TAFA4: variants seen among roughly 807,000 people sequenced by gnomAD.
TAFA4 encodes the protein chemokine-like protein TAFA-4.
TAFA4 carries 20 observed loss-of-function variants against 21.1 expected under a neutral mutation model. That is an observed-to-expected ratio of 0.95 (90% CI 0.67 to 1.38). The LOEUF (loss-of-function observed/expected upper bound fraction) is 1.38, where lower values mean the gene tolerates loss of function less well. TAFA4 is among the 40% of genes most tolerant of loss of function. The pLI is 0.00. For missense variants in TAFA4, 211 were observed against 180.9 expected (o/e 1.17, Z -0.95); for synonymous variants, 71 against 67.4 (o/e 1.05, Z -0.26).
intron 3 of TAFA4, among the ~76,000 whole-genome samples, chr3:68,821,762 C>A (rs1704117835): frequency 6.6e-6 from 1 of 152,102 alleles, no homozygotes; most frequent in Admixed American, 6.6e-5. Flanking sequence ...AGGGTGCATT[C>A]CCAAGTACTA....
At chr3:68,873,793 A>C (rs1488011675) in intron 3 of TAFA4, among the ~76,000 whole-genome samples, 1 of 152,150 alleles carries the variant, frequency 6.6e-6, no homozygotes, top group Non-Finnish European at 1.5e-5. Context: ...GACTTTTCCA[A>C]AATCTGTAAC....
At chr3:68,905,770 C>G (rs1397224113) in intron 1 of TAFA4, among the ~76,000 whole-genome samples, 2 of 152,152 alleles carry the variant, frequency 1.3e-5, no homozygotes, top group African/African-American at 4.8e-5. Context: ...CTGTTATAAT[C>G]AGGAGTTCTC....
chr3:68,902,855 G>A (rs1285654478), intron 1 of TAFA4, among the ~76,000 whole-genome samples: 1 of 152,150 alleles, frequency 6.6e-6, no homozygotes, highest in Non-Finnish European at 1.5e-5. Flanking sequence ...ATTATGCAAA[G>A]TAGCAATCAG....
intron 5 of TAFA4, among the ~76,000 whole-genome samples, chr3:68,737,041 C>T (rs1183025326): frequency 6.6e-6 from 1 of 152,168 alleles, no homozygotes; most frequent in Non-Finnish European, 1.5e-5. Flanking sequence ...CCTGCAAATG[C>T]CTTTTCTAAC....
intron 3 of TAFA4, among the ~76,000 whole-genome samples, chr3:68,878,373 G>A (rs975245681): frequency 1.3e-5 from 2 of 152,144 alleles, no homozygotes; most frequent in Non-Finnish European, 2.9e-5. Context: ...TCTTAAAGTT[G>A]TAAGATGCTT....
chr3:68,791,718 A>T (rs1703364682), intron 3 of TAFA4, among the ~76,000 whole-genome samples: 1 of 152,350 alleles, frequency 6.6e-6, no homozygotes, highest in South Asian at 2.1e-4. Context: ...CAGAGATCTC[A>T]AACTTCAAAG....
intron 1 of TAFA4, among the ~76,000 whole-genome samples, chr3:68,915,576 G>T (rs1281987952): frequency 6.6e-6 from 1 of 152,148 alleles, no homozygotes; most frequent in African/African-American, 2.4e-5. Context: ...GGTGATGGAA[G>T]ATGAATTTTC....
At chr3:68,905,372 G>A (rs932433054) in intron 1 of TAFA4, among the ~76,000 whole-genome samples, 1 of 151,998 alleles carries the variant, frequency 6.6e-6, no homozygotes, top group Non-Finnish European at 1.5e-5. Flanking sequence ...GTTTCACCAC[G>A]TTGGCCAGGA....
At position 68,801,593 on chromosome 3, in the gene TAFA4, C is replaced by T. The variant is rs191650772; in HGVS notation, c.131-48575G>A. Among the ~76,000 whole-genome samples the T allele has an allele frequency of 7.2e-5, 11 of 152,296 alleles. No homozygotes were observed. In the East Asian group the frequency reaches 2.1e-3, roughly 29 times the overall value. On this transcript the variant is annotated intron_variant, in intron 3 of 5. Coordinates refer to ENST00000295569, the MANE Select transcript of TAFA4 (RefSeq NM_182522.5). ...CAGAAAGGCATTTTTACCTACTACA[C>T]ATCTATCGTGGCAATTCATTTAGGT...
intron 3 of TAFA4, among the ~76,000 whole-genome samples, chr3:68,836,660 C>T (rs929815229): frequency 4.6e-5 from 7 of 152,156 alleles, no homozygotes; most frequent in Admixed American, 4.6e-4. Flanking sequence ...ACATAAAAAT[C>T]GTTGTTCTCA....
At chr3:68,787,841 C>A (rs116572826) in intron 3 of TAFA4, among the ~76,000 whole-genome samples, 1 of 152,156 alleles carries the variant, frequency 6.6e-6, no homozygotes, top group Admixed American at 6.5e-5. Context: ...AGCTTCTAGA[C>A]GAGCACTCAA....
chr3:68,829,748 G>A (rs1164071001), intron 3 of TAFA4, among the ~76,000 whole-genome samples: 1 of 152,166 alleles, frequency 6.6e-6, no homozygotes, highest in Non-Finnish European at 1.5e-5. Context: ...GATTGAAATA[G>A]TTTCACAAGG....
chr3:68,741,602 G>T (rs1426445063), intron 4 of TAFA4, among the ~76,000 whole-genome samples: 1 of 151,926 alleles, frequency 6.6e-6, no homozygotes, highest in Non-Finnish European at 1.5e-5. Flanking sequence ...AGACCATCCT[G>T]GATAACAATG....
At chr3:68,848,034 C>T (rs1011052098) in intron 3 of TAFA4, among the ~76,000 whole-genome samples, 1 of 152,202 alleles carries the variant, frequency 6.6e-6, no homozygotes, top group South Asian at 2.1e-4. Flanking sequence ...ACTATATCCA[C>T]TTTACATACA....
chr3:68,789,748 G>A (rs760775285), intron 3 of TAFA4, among the ~76,000 whole-genome samples: 4 of 152,158 alleles, frequency 2.6e-5, no homozygotes, highest in Admixed American at 6.5e-5. Context: ...TGCCTGACAC[G>A]CAGTAGCCAC....
chr3:68,910,602 G>A (rs1559560750), intron 1 of TAFA4, among the ~76,000 whole-genome samples: 1 of 152,212 alleles, frequency 6.6e-6, no homozygotes, highest in Non-Finnish European at 1.5e-5. Context: ...TTTGATAGAA[G>A]CAGAATTCAT....
chr3:68,910,577 T>A (rs1225806734), intron 1 of TAFA4, among the ~76,000 whole-genome samples: 1 of 152,232 alleles, frequency 6.6e-6, no homozygotes, highest in Non-Finnish European at 1.5e-5. Flanking sequence ...CAAGCCATCA[T>A]CCACTCTATA....
chr3:68,808,036 G>T (rs1174695449), intron 3 of TAFA4, among the ~76,000 whole-genome samples: 1 of 151,728 alleles, frequency 6.6e-6, no homozygotes, highest in African/African-American at 2.4e-5. Flanking sequence ...ATTATATTAT[G>T]TGTAAAATTT....
At chr3:68,792,441 T>C (rs1296981855) in intron 3 of TAFA4, among the ~76,000 whole-genome samples, 2 of 152,118 alleles carry the variant, frequency 1.3e-5, no homozygotes, top group Non-Finnish European at 2.9e-5. Context: ...ATGACCTAGG[T>C]GTTCTGATTT....
Sources: gnomAD v4.1 joint callset for allele counts (sites outside exome capture counted in the v4.1 genomes callset) on GRCh38, gnomAD v4.1.1 for gene constraint, MANE v1.5 for transcripts, NCBI Gene and HGNC (gene_info 2026-07-23, HGNC 2026-07-21) for gene names.